CADM2: variants seen among roughly 807,000 people sequenced by gnomAD.
CADM2 encodes the protein immunoglobulin superfamily member 4D.
A neutral mutation model predicts 49.8 loss-of-function variants in CADM2; 12 were observed. That is an observed-to-expected ratio of 0.24 (90% CI 0.15 to 0.39). The LOEUF is 0.39. Among genes scored for constraint, CADM2 ranks in the 10% least tolerant of loss-of-function variants. The pLI, the probability that CADM2 is intolerant of heterozygous loss-of-function variation, is 1.00. For missense variants in CADM2, 378 were observed against 492.3 expected (o/e 0.77, Z 2.20); for synonymous variants, 214 against 175.4 (o/e 1.22, Z -1.74).
chr3:85,551,972 A>T (rs184810568), intron 1 of CADM2, among the ~76,000 whole-genome samples: 1 of 151,470 alleles, frequency 6.6e-6, no homozygotes, highest in Admixed American at 6.6e-5. Context: ...TTTTGTGATT[A>T]TATACACTTT....
At chr3:85,988,756 T>C (rs879939086) in intron 8 of CADM2, among the ~76,000 whole-genome samples, 26 of 152,288 alleles carry the variant, frequency 1.7e-4, no homozygotes, top group Admixed American at 1.2e-3. Flanking sequence ...TATAATAAAT[T>C]AAAATACCTA....
intron 1 of CADM2, among the ~76,000 whole-genome samples, chr3:85,577,827 T>G (rs1260386742): frequency 6.6e-6 from 1 of 152,124 alleles, no homozygotes; most frequent in Non-Finnish European, 1.5e-5. Flanking sequence ...TAAACCTTTC[T>G]GTGTAACATC....
chr3:85,534,204 A>T (rs1325528675), intron 1 of CADM2, among the ~76,000 whole-genome samples: 1 of 152,140 alleles, frequency 6.6e-6, no homozygotes, highest in African/African-American at 2.4e-5. Context: ...CATTTCTTGG[A>T]ATGTTAATGT....
At chr3:85,259,026 A>G (rs968150303) in intron 1 of CADM2, among the ~76,000 whole-genome samples, 7 of 152,158 alleles carry the variant, frequency 4.6e-5, no homozygotes, top group Non-Finnish European at 8.8e-5. Context: ...TGGCGTAAAG[A>G]AAGCATTTCT....
chr3:85,479,499 TA>T (rs1392610826), intron 1 of CADM2, among the ~76,000 whole-genome samples: 1 of 151,838 alleles, frequency 6.6e-6, no homozygotes, highest in Non-Finnish European at 1.5e-5. Flanking sequence ...TCAAAAGGAT[TA>T]AAAAACCTTT....
intron 1 of CADM2, among the ~76,000 whole-genome samples, chr3:84,977,811 A>G (rs947144706): frequency 3.9e-5 from 6 of 152,120 alleles, no homozygotes; most frequent in African/African-American, 1.4e-4. Context: ...ACGGAAAACA[A>G]CACTTAACAA....
At chr3:85,832,574 C>T (rs572910983) in intron 3 of CADM2, among the ~76,000 whole-genome samples, 1 of 151,044 alleles carries the variant, frequency 6.6e-6, no homozygotes, top group South Asian at 2.1e-4. Context: ...AGGTATCATG[C>T]ATGGGATCAT....
chr3:85,930,165 A>T (rs913974227), intron 6 of CADM2, among the ~76,000 whole-genome samples: 2 of 152,178 alleles, frequency 1.3e-5, no homozygotes, highest in African/African-American at 4.8e-5. Context: ...TCAGATGAGT[A>T]AAAAATAGTT....
intron 1 of CADM2, among the ~76,000 whole-genome samples, chr3:85,070,148 A>G (rs1431057721): frequency 6.6e-6 from 1 of 152,052 alleles, no homozygotes; most frequent in East Asian, 1.9e-4. Flanking sequence ...ACATTTTTTC[A>G]TTATACATCC....
At chr3:85,407,657 C>T (rs2035451861) in intron 1 of CADM2, among the ~76,000 whole-genome samples, 1 of 152,052 alleles carries the variant, frequency 6.6e-6, no homozygotes, top group South Asian at 2.1e-4. Flanking sequence ...AGCAGTGGTA[C>T]CTCTTCCACA....
chr3:85,426,105 G>A (rs916473889), intron 1 of CADM2, among the ~76,000 whole-genome samples: 1 of 151,556 alleles, frequency 6.6e-6, no homozygotes. Flanking sequence ...GCATAATGCA[G>A]CAATAATATC....
At chr3:85,070,583 T>C (rs1469176796) in intron 1 of CADM2, among the ~76,000 whole-genome samples, 3 of 151,860 alleles carry the variant, frequency 2.0e-5, no homozygotes, top group Admixed American at 2.0e-4. Context: ...CACTATATCC[T>C]AAGCTATAAA....
intron 1 of CADM2, among the ~76,000 whole-genome samples, chr3:85,606,554 C>T (rs1317240443): frequency 6.6e-6 from 1 of 152,122 alleles, no homozygotes; most frequent in Non-Finnish European, 1.5e-5. Context: ...AGAATATCTA[C>T]ACTCCTAGAA....
intron 1 of CADM2, among the ~76,000 whole-genome samples, chr3:85,583,270 C>T (rs1212808572): frequency 6.6e-6 from 1 of 152,030 alleles, no homozygotes; most frequent in Non-Finnish European, 1.5e-5. Context: ...CTCATTTAGT[C>T]AGCCAGTTTG....
chr3:85,408,129 G>C (rs2035487884), intron 1 of CADM2, among the ~76,000 whole-genome samples: 1 of 151,184 alleles, frequency 6.6e-6, no homozygotes, highest in South Asian at 2.1e-4. Context: ...AGTATAGATA[G>C]CAAGAAAAGA....
chr3:85,816,600 A>G (rs1395922732), intron 3 of CADM2, among the ~76,000 whole-genome samples: 1 of 152,178 alleles, frequency 6.6e-6, no homozygotes, highest in African/African-American at 2.4e-5. Context: ...ATGAATGAGA[A>G]ACCTCTATTT....
rs374397240 is a variant in CADM2 at position 85,259,355 on chromosome 3, C to CT, written c.61+299696dup. Among the ~76,000 whole-genome samples the CT allele has an allele frequency of 8.0e-5, 12 of 150,664 alleles. No individual in the cohort carries two copies. The South Asian group carries it at 8.4e-4, about 11-fold the overall frequency. ...TGTTTAATTTAGAAGATTTTTATTG[C>CT]TTTTTTTTTCCTAATCATTTCTGAT... On this transcript the variant is annotated intron_variant, in intron 1 of 9. Coordinates refer to ENST00000383699, the MANE Select transcript of CADM2 (RefSeq NM_001167675.2).
intron 3 of CADM2, among the ~76,000 whole-genome samples, chr3:85,860,445 A>G (rs908903483): frequency 1.9e-4 from 29 of 152,292 alleles, no homozygotes; most frequent in Non-Finnish European, 4.0e-4. Context: ...GGGAATTTCA[A>G]TACTAAATTT....
chr3:85,486,941 A>T (rs202212909), intron 1 of CADM2, among the ~76,000 whole-genome samples: 3 of 149,764 alleles, frequency 2.0e-5, no homozygotes, highest in Admixed American at 6.7e-5. Context: ...ACTTTTAATA[A>T]TTTTTTTTTT....
Sources: gnomAD v4.1 joint callset for allele counts (sites outside exome capture counted in the v4.1 genomes callset) on GRCh38, gnomAD v4.1.1 for gene constraint, MANE v1.5 for transcripts, NCBI Gene and HGNC (gene_info 2026-07-23, HGNC 2026-07-21) for gene names.